The following IFT122 variants were observed in gnomAD, a reference collection of about 807,000 sequenced individuals.
IFT122 encodes intraflagellar transport protein 122 homolog.
IFT122 carries 118 observed loss-of-function variants against 161.6 expected under a neutral mutation model. The observed-to-expected ratio is 0.73, with a 90% confidence interval of 0.63 to 0.85. The LOEUF (loss-of-function observed/expected upper bound fraction) is 0.85. Among genes scored for constraint, IFT122 ranks in the 40% least tolerant of loss-of-function variants. IFT122 has a pLI of 0.00. For missense variants in IFT122, 1,381 were observed against 1,579.6 expected, an observed-to-expected ratio of 0.87 and a Z score of 2.13; for synonymous variants, 550 against 602.4, an observed-to-expected ratio of 0.91 and a Z score of 1.27.
chr3:129,491,543 TA>T (rs1559949336), intron 16 of IFT122, among the ~76,000 whole-genome samples: 1 of 152,194 alleles, frequency 6.6e-6, no homozygotes, highest in African/African-American at 2.4e-5. Flanking sequence ...AGGGTTTACA[TA>T]AAGAGTTTGC....
intron 3 of IFT122, among the ~76,000 whole-genome samples, chr3:129,458,170 ATTAT>A (rs2075759823): frequency 1.3e-5 from 2 of 152,236 alleles, no homozygotes; most frequent in Non-Finnish European, 2.9e-5. Flanking sequence ...AGATATAATT[ATTAT>A]TTGTCAAAAA....
intron 13 of IFT122, among the ~76,000 whole-genome samples, 192 bp downstream of exon 13, chr3:129,480,114 C>T (rs1302823641): frequency 1.3e-5 from 2 of 152,236 alleles, no homozygotes; most frequent in Admixed American, 1.3e-4. Flanking sequence ...GGCCCTCACA[C>T]TCCTAGCAGG....
chr3:129,507,709 T>C lies in IFT122; in HGVS notation c.2833T>C (p.Phe945Leu), dbSNP rs774520824. The C allele has an allele frequency of 3.7e-6, 6 of 1,614,056 alleles. No individual in the cohort carries two copies. The highest frequency in any genetic ancestry group is 3.4e-6 in the Non-Finnish European group (4 of 1,180,012). The change falls in exon 23 of 30, where the codon TTC (phenylalanine) becomes CTC (leucine). Residue 945 changes from phenylalanine (F) to leucine (L), a missense_variant. Around this residue, in one of 7 missense-constraint regions of IFT122, gnomAD observed 496 missense variants for 502.5 expected, o/e 0.99. Coordinates refer to ENST00000348417, the MANE Select transcript of IFT122 (RefSeq NM_052989.3). ...CACAATGCTTGGCAAGTTCTACCACTTCCAGCGTTTGGCAGAGCTGTACCA... is the reference window on the plus strand; with the variant it reads ...CACAATGCTTGGCAAGTTCTACCACCTCCAGCGTTTGGCAGAGCTGTACCA... Reference protein sequence around the residue: ...KDTMLGKFYHFQRLAELYHGY... With the variant: ...KDTMLGKFYHLQRLAELYHGY...
chr3:129,506,187 G>A (rs555491121), intron 21 of IFT122, among the ~76,000 whole-genome samples: 3 of 152,200 alleles, frequency 2.0e-5, no homozygotes, highest in Admixed American at 6.5e-5. Flanking sequence ...AAAGTCAGTC[G>A]CCTTTTCCCA....
chr3:129,448,060 CCCAGTGTCCT>C (rs1204862024), intron 1 of IFT122, among the ~76,000 whole-genome samples: 2 of 152,148 alleles, frequency 1.3e-5, no homozygotes, highest in African/African-American at 4.8e-5. Context: ...ATGTCCTTTA[CCCAGTGTCCT>C]CCTCCATGTT....
Position 129,467,059 on chromosome 3 carries a change from G to C in IFT122, c.733G>C (p.Asp245His). 6.2e-7 allele frequency: 1 copy of C among 1,613,464 alleles called. No individual in the cohort carries two copies. Among genetic ancestry groups the C allele is most frequent in the Non-Finnish European group, 8.5e-7 (1 of 1,179,868 alleles). Residue 245 changes from aspartate (D) to histidine (H), a missense_variant, in exon 8 of 30, where the codon GAC (aspartate) becomes CAC (histidine). Physicochemically the swap from Asp to His is moderately conservative, Grantham distance 81. Coordinates refer to ENST00000348417, the MANE Select transcript of IFT122 (RefSeq NM_052989.3). ...GGAAGAGGACGACAGTCCCAGGGACGACAACTTGTGAGTGTGTCCCAGTGA... is the reference window on the plus strand; with the variant it reads ...GGAAGAGGACGACAGTCCCAGGGACCACAACTTGTGAGTGTGTCCCAGTGA... Reference protein sequence around the residue: ...PEEEDDSPRDDNLEERNDILA... With the variant: ...PEEEDDSPRDHNLEERNDILA...
At chr3:129,457,362 T>C (rs1332749774) in intron 3 of IFT122, among the ~76,000 whole-genome samples, 1 of 152,238 alleles carries the variant, frequency 6.6e-6, no homozygotes, top group Non-Finnish European at 1.5e-5. Flanking sequence ...GCAAGGCCTC[T>C]GCTGTGTCCC....
chr3:129,452,092 G>A, intron 3 of IFT122, 94 bp downstream of exon 3: 3 of 976,080 alleles, frequency 3.1e-6, no homozygotes, highest in Admixed American at 3.7e-5. Flanking sequence ...TAGTAAGCTG[G>A]AGTACAAGTT....
intron 7 of IFT122, 101 bp from the exon 8 acceptor site, chr3:129,466,789 C>T (rs2076843719): frequency 1.8e-6 from 2 of 1,122,478 alleles, no homozygotes; most frequent in Non-Finnish European, 2.7e-6. Flanking sequence ...AGGCGTGAGT[C>T]ACTGCACCTG....
chr3:129,445,527 C>T (rs892374650), intron 1 of IFT122, among the ~76,000 whole-genome samples: 1 of 152,174 alleles, frequency 6.6e-6, no homozygotes, highest in Non-Finnish European at 1.5e-5. Context: ...ACCTGGCATA[C>T]ACAATAATAA....
At chr3:129,496,982 T>C (rs532838860) in intron 18 of IFT122, among the ~76,000 whole-genome samples, 21 of 152,308 alleles carry the variant, frequency 1.4e-4, no homozygotes, top group African/African-American at 5.1e-4. Flanking sequence ...TGTGCTGCAG[T>C]AGAAAATGCC....
At chr3:129,506,757 T>C (rs1158621255) in intron 22 of IFT122, among the ~76,000 whole-genome samples, 2 of 152,200 alleles carry the variant, frequency 1.3e-5, no homozygotes, top group Non-Finnish European at 2.9e-5. Context: ...CCTGGGGTTA[T>C]GGTTGGCAGG....
At position 129,464,790 on chromosome 3, in the gene IFT122, A is replaced by G. The variant is rs1358292175; in HGVS notation, c.563+9A>G. 6.2e-7 allele frequency: 1 copy of G among 1,613,954 alleles called. No homozygotes were observed. The highest frequency in any genetic ancestry group is 8.5e-7 in the Non-Finnish European group (1 of 1,179,982). On this transcript the variant is annotated intron_variant, in intron 7 of 29. Transcript: ENST00000348417. ...TGCTGGAACCCTTCAAGGTACTCTT[A>G]AAGTTGTCCTCCTTCTAGAACAAAC... is the stretch of plus-strand genomic sequence containing the variant.
chr3:129,445,276 A>G lies in IFT122; in HGVS notation c.42-4595A>G, dbSNP rs528543172. Among the ~76,000 whole-genome samples, 224 of 152,326 alleles carry G rather than the reference A, an allele frequency of 1.5e-3. 2 individuals are homozygous for G. The highest frequency in any genetic ancestry group is 3.4e-3 in the Middle Eastern group (1 of 294). On this transcript the variant is annotated intron_variant, in intron 1 of 29. Transcript: ENST00000348417. ...GGGAGGCAGAGGTTGCTGTGAGCCA[A>G]GATCCTGCTACTGCACTCCAGCCTG...
At chr3:129,517,638 G>A in intron 27 of IFT122, 44 bp downstream of exon 27, 2 of 1,604,878 alleles carry the variant, frequency 1.2e-6, no homozygotes, top group Non-Finnish European at 1.7e-6. Flanking sequence ...GGCTGTGTGA[G>A]GGGTCTGGGG....
intron 7 of IFT122, among the ~76,000 whole-genome samples, chr3:129,465,981 G>A (rs2108143454): frequency 6.6e-6 from 1 of 151,850 alleles, no homozygotes; most frequent in South Asian, 2.1e-4. Context: ...CTAATTTTTT[G>A]TATTTTTAGT....
chr3:129,496,228 C>A (rs2080826070), intron 18 of IFT122, among the ~76,000 whole-genome samples: 1 of 152,042 alleles, frequency 6.6e-6, no homozygotes, highest in African/African-American at 2.4e-5. Context: ...TACTCCCCAG[C>A]AGAGCTGGGC....
At chr3:129,445,800 A>T (rs541918093) in intron 1 of IFT122, among the ~76,000 whole-genome samples, 18 of 152,256 alleles carry the variant, frequency 1.2e-4, no homozygotes, top group Non-Finnish European at 2.2e-4. Context: ...TATTGTGGAG[A>T]TGAAATAAAA....
At chr3:129,510,261 T>G in intron 23 of IFT122, among the ~76,000 whole-genome samples, 1 of 152,214 alleles carries the variant, frequency 6.6e-6, no homozygotes, top group East Asian at 1.9e-4. Flanking sequence ...ATGCCCTGCC[T>G]TCCACCTTGG....
Sources: gnomAD v4.1 joint callset for allele counts (sites outside exome capture counted in the v4.1 genomes callset) on GRCh38, gnomAD v4.1.1 for gene constraint, gnomAD v4.1.1 regional missense constraint, MANE v1.5 for transcripts, NCBI Gene and HGNC (gene_info 2026-07-23, HGNC 2026-07-21) for gene names.